The following NTN4 variants were observed in gnomAD, a reference collection of about 807,000 sequenced individuals.
NTN4 encodes the protein netrin 4, also known as netrin-4.
In NTN4, 32 loss-of-function variants were observed where a neutral mutation model predicts 73.6. That is an observed-to-expected ratio of 0.44 (90% CI 0.33 to 0.58). The LOEUF is 0.58. NTN4 is among the 20% of genes least tolerant of loss of function. The probability of loss-of-function intolerance (pLI) is 0.04; values close to 1 mark genes in which losing one functional copy is unlikely to be tolerated. For synonymous variants in NTN4, 258 were observed against 287.5 expected (o/e 0.90, Z 1.04); for missense variants, 654 against 798.3 (o/e 0.82, Z 2.18).
intron 2 of NTN4, among the ~76,000 whole-genome samples, chr12:95,782,711 T>A (rs1250102174): frequency 6.6e-6 from 1 of 152,238 alleles, no homozygotes; most frequent in Admixed American, 6.5e-5. Flanking sequence ...ATTTTCATAA[T>A]GCCCTGGAGA....
At chr12:95,679,429 C>T (rs930595051) in intron 7 of NTN4, among the ~76,000 whole-genome samples, 4 of 152,094 alleles carry the variant, frequency 2.6e-5, no homozygotes, top group South Asian at 2.1e-4. Context: ...TCTTAGACAT[C>T]GCCATTATCG....
At chr12:95,678,550 A>G (rs1171937102) in intron 7 of NTN4, among the ~76,000 whole-genome samples, 1 of 152,156 alleles carries the variant, frequency 6.6e-6, no homozygotes, top group Non-Finnish European at 1.5e-5. Context: ...CCTATCAAAA[A>G]TCGATATCAA....
intron 7 of NTN4, chr12:95,672,583 G>A (rs1189714976): frequency 6.6e-7 from 1 of 1,524,076 alleles, no homozygotes; most frequent in Non-Finnish European, 9.0e-7. Context: ...GGCACTATGG[G>A]GGTCTGACCG....
chr12:95,776,998 GC>G (rs1250720086), intron 2 of NTN4, among the ~76,000 whole-genome samples: 4 of 152,094 alleles, frequency 2.6e-5, no homozygotes, highest in African/African-American at 9.7e-5. Context: ...GAGAGTGGGG[GC>G]AAATATTCAA....
At chr12:95,664,964 A>G (rs1022323194) in intron 9 of NTN4, among the ~76,000 whole-genome samples, 2 of 152,102 alleles carry the variant, frequency 1.3e-5, no homozygotes, top group African/African-American at 4.8e-5. Flanking sequence ...ACAGATGACA[A>G]TCACACAAGC....
At chr12:95,683,056 GGTTTT>G (rs59041521) in intron 6 of NTN4, among the ~76,000 whole-genome samples, 66 of 151,272 alleles carry the variant, frequency 4.4e-4, no homozygotes, top group African/African-American at 1.5e-3. Flanking sequence ...AAAAATTATT[GGTTTT>G]GTTTTGTTTT....
At chr12:95,785,280 G>A (rs1191372557) in intron 2 of NTN4, among the ~76,000 whole-genome samples, 1 of 152,232 alleles carries the variant, frequency 6.6e-6, no homozygotes, top group East Asian at 1.9e-4. Context: ...GAGCCAATAT[G>A]AGCCTGAGGA....
In NTN4 at chr12:95,738,027, G is replaced by A; in HGVS notation, c.703C>T (p.Pro235Ser). 1 of 1,614,110 alleles carries A rather than the reference G, an allele frequency of 6.2e-7. No homozygotes were observed. The highest frequency in any genetic ancestry group is 2.2e-5 in the East Asian group (1 of 44,876). Residue 235 changes from proline to serine, a missense_variant, in exon 3 of 10, where the codon CCC becomes TCC. By Grantham distance (74) the Pro-to-Ser change is moderately conservative (BLOSUM62 -1). Coordinates refer to ENST00000343702, the MANE Select transcript of NTN4 (RefSeq NM_021229.4). ...TCGTTCAGGTCATTTCTCTGACAGGGACAAGACTGTCGTTTCAGCAGCTGC... is the reference window on the plus strand; with the variant it reads ...TCGTTCAGGTCATTTCTCTGACAGGAACAAGACTGTCGTTTCAGCAGCTGC... The part of the protein sequence containing the change: ...RVQLLKRQSC[P>S]CQRNDLNEEP...
At chr12:95,737,824 C>T (rs2078789693) in intron 3 of NTN4, 42 bp downstream of exon 3, 1 of 1,577,430 alleles carries the variant, frequency 6.3e-7, no homozygotes, top group Non-Finnish European at 8.6e-7. Flanking sequence ...CTGAAGGTAA[C>T]TTATGATTTG....
chr12:95,754,418 ATTTTG>A (rs1286274892), intron 2 of NTN4, among the ~76,000 whole-genome samples: 1 of 151,858 alleles, frequency 6.6e-6, no homozygotes, highest in Non-Finnish European at 1.5e-5. Context: ...CTTCAACACT[ATTTTG>A]TTTTATTTTT....
intron 9 of NTN4, among the ~76,000 whole-genome samples, chr12:95,663,986 T>G (rs2078159143): frequency 6.6e-6 from 1 of 152,192 alleles, no homozygotes. Flanking sequence ...ATGAATTATT[T>G]TTAGTGTCCT....
chr12:95,672,889 C>T (rs1244457494), intron 7 of NTN4: 3 of 1,317,546 alleles, frequency 2.3e-6, no homozygotes, highest in Non-Finnish European at 2.2e-6. Context: ...CATTGTCAAG[C>T]ATCTGGAAGG....
intron 7 of NTN4, chr12:95,672,412 A>G: frequency 9.0e-7 from 1 of 1,109,752 alleles, no homozygotes; most frequent in South Asian, 1.2e-5. Flanking sequence ...GGCCACCAGG[A>G]GGTGAAGCGC....
chr12:95,742,949 G>A (rs1008301433), intron 2 of NTN4, among the ~76,000 whole-genome samples: 7 of 152,184 alleles, frequency 4.6e-5, no homozygotes, highest in Admixed American at 3.3e-4. Context: ...CACAAGTTCC[G>A]CACTCTTGAT....
In NTN4 at chr12:95,756,073, A is replaced by G. The variant is rs1338116836; in HGVS notation, c.586-17929T>C. Among the ~76,000 whole-genome samples, 4 of 152,236 alleles carry G rather than the reference A, an allele frequency of 2.6e-5. No individual in the cohort carries two copies. The East Asian group carries it at 7.7e-4, about 29-fold the overall frequency. Reference sequence around the variant, plus strand: ...GAAGTGATTTGCCAAGTGTCAATCAATAGGTTGGTGACAGAGTTAAGACTG... The same window carrying G: ...GAAGTGATTTGCCAAGTGTCAATCAGTAGGTTGGTGACAGAGTTAAGACTG... On this transcript the variant is annotated intron_variant, in intron 2 of 9. Transcript: ENST00000343702.
chr12:95,745,961 C>A (rs2078859029), intron 2 of NTN4, among the ~76,000 whole-genome samples: 1 of 152,172 alleles, frequency 6.6e-6, no homozygotes, highest in Admixed American at 6.5e-5. Flanking sequence ...CCCATGTTAC[C>A]TCTGGGGATT....
At chr12:95,670,755 T>C (rs1434336423) in intron 7 of NTN4, among the ~76,000 whole-genome samples, 1 of 150,086 alleles carries the variant, frequency 6.7e-6, no homozygotes, top group African/African-American at 2.5e-5. Context: ...AGGTACAATA[T>C]ACTTGGGTGG....
intron 3 of NTN4, among the ~76,000 whole-genome samples, chr12:95,728,235 A>G (rs2121141562): frequency 6.6e-6 from 1 of 152,294 alleles, no homozygotes; most frequent in South Asian, 2.1e-4. Context: ...ATTTGTGAAT[A>G]AATATAGGCT....
At chr12:95,773,780 T>G (rs908770589) in intron 2 of NTN4, among the ~76,000 whole-genome samples, 1 of 152,202 alleles carries the variant, frequency 6.6e-6, no homozygotes, top group Non-Finnish European at 1.5e-5. Flanking sequence ...CATATTTTAC[T>G]TATTTACTTT....
Sources: allele counts gnomAD v4.1 joint callset (sites outside exome capture counted in the v4.1 genomes callset), GRCh38; gene constraint gnomAD v4.1.1; transcripts MANE v1.5; gene names NCBI Gene and HGNC (gene_info 2026-07-23, HGNC 2026-07-21).